The following ESR2 variants were observed in gnomAD, a reference collection of about 807,000 sequenced individuals.
The protein encoded by ESR2 is estrogen receptor 2.
A neutral mutation model predicts 49.6 loss-of-function variants in ESR2; 36 were observed. The observed-to-expected ratio is 0.73, with a 90% CI of 0.56 to 0.96. ESR2 has a LOEUF of 0.96. Ranked by LOEUF, ESR2 falls within the 40% of genes least tolerant of loss-of-function variation. The probability of loss-of-function intolerance (pLI) is 0.00; values close to 1 mark genes in which losing one functional copy is unlikely to be tolerated. For missense variants in ESR2, 714 were observed against 693.0 expected, an observed-to-expected ratio of 1.03 and a Z score of -0.34; for synonymous variants, 320 against 266.1, an observed-to-expected ratio of 1.20 and a Z score of -1.97.
At chr14:64,267,185 A>G (rs999596308) in intron 4 of ESR2, among the ~76,000 whole-genome samples, 22 of 152,290 alleles carry the variant, frequency 1.4e-4, no homozygotes, top group African/African-American at 5.3e-4. Context: ...GGCCTTAACT[A>G]AACTTTCACA....
intron 8 of ESR2, chr14:64,233,542 C>T (rs2098729376): frequency 9.2e-6 from 5 of 544,216 alleles, no homozygotes; most frequent in Non-Finnish European, 1.6e-5. Context: ...CCACCACACA[C>T]CTACAATGGC....
intron 2 of ESR2, among the ~76,000 whole-genome samples, chr14:64,281,418 C>T (rs2076664595): frequency 6.6e-6 from 1 of 150,616 alleles, no homozygotes; most frequent in South Asian, 2.1e-4. Flanking sequence ...TGCTCAGAAA[C>T]AAAATATGTC....
At chr14:64,242,773 T>C (rs2075763817) in intron 7 of ESR2, among the ~76,000 whole-genome samples, 1 of 152,146 alleles carries the variant, frequency 6.6e-6, no homozygotes, top group Non-Finnish European at 1.5e-5. Flanking sequence ...TCTGTAAGAG[T>C]ATGTGTAAAC....
chr14:64,250,472 C>A (rs1048965620), intron 6 of ESR2, among the ~76,000 whole-genome samples: 1 of 152,192 alleles, frequency 6.6e-6, no homozygotes, highest in African/African-American at 2.4e-5. Flanking sequence ...AGCTTCTATT[C>A]ACTCCAGCCA....
intron 7 of ESR2, among the ~76,000 whole-genome samples, chr14:64,237,653 G>A (rs1345363632): frequency 2.6e-5 from 4 of 152,198 alleles, no homozygotes; most frequent in Admixed American, 6.5e-5. Context: ...ACTAACTGAC[G>A]AATGGCTCAA....
intron 1 of ESR2, among the ~76,000 whole-genome samples, chr14:64,319,176 T>C (rs972968698): frequency 6.6e-6 from 1 of 152,194 alleles, no homozygotes; most frequent in African/African-American, 2.4e-5. Context: ...GGATAGTCTT[T>C]TCAACACATG....
downstream of ESR2, chr14:64,228,099 GTTC>G: frequency 1.7e-5 from 22 of 1,323,736 alleles, no homozygotes; most frequent in Non-Finnish European, 2.1e-5. Context: ...AGATGAAATT[GTTC>G]TTTTTAAGAA....
upstream of ESR2, among the ~76,000 whole-genome samples, chr14:64,295,992 C>G (rs2076952223): frequency 7.4e-6 from 1 of 134,554 alleles, no homozygotes; most frequent in African/African-American, 2.9e-5. Flanking sequence ...TGCAGTGAGC[C>G]AAGATCGCGC....
chr14:64,268,995 T>C (rs181969259), intron 3 of ESR2, 84 bp from the exon 4 acceptor site: 21 of 813,544 alleles, frequency 2.6e-5, no homozygotes, highest in Admixed American at 1.4e-4. Flanking sequence ...CTGATAACAC[T>C]TTCCAGCTGA....
intron 7 of ESR2, among the ~76,000 whole-genome samples, chr14:64,246,578 T>C (rs892726915): frequency 1.3e-5 from 2 of 151,558 alleles, no homozygotes; most frequent in Non-Finnish European, 2.9e-5. Context: ...AATACAAAAA[T>C]TAGCCAGGCA....
chr14:64,310,034 C>G (rs1167046709), intron 1 of ESR2, among the ~76,000 whole-genome samples: 1 of 151,872 alleles, frequency 6.6e-6, no homozygotes, highest in East Asian at 1.9e-4. Flanking sequence ...TGCAGTGAGC[C>G]GAGATCACGC....
intron 4 of ESR2, 84 bp from the exon 5 acceptor site, chr14:64,260,832 C>T (rs1486033064): frequency 5.5e-6 from 7 of 1,266,496 alleles, no homozygotes; most frequent in Non-Finnish European, 7.3e-6. Flanking sequence ...TTTCTGGAGC[C>T]TGTGGGGCAC....
chr14:64,279,735 C>A (rs753006215), intron 3 of ESR2, among the ~76,000 whole-genome samples: 22 of 152,330 alleles, frequency 1.4e-4, no homozygotes, highest in African/African-American at 5.1e-4. Context: ...ATCCAACACC[C>A]ATGTGGGTGA....
chr14:64,276,692 T>G (rs1337184747), intron 3 of ESR2, among the ~76,000 whole-genome samples: 1 of 152,138 alleles, frequency 6.6e-6, no homozygotes, highest in Non-Finnish European at 1.5e-5. Flanking sequence ...TGAAAATAAT[T>G]GATAGGGCCT....
intron 1 of ESR2, among the ~76,000 whole-genome samples, chr14:64,323,218 TG>T (rs1235201136): frequency 6.6e-6 from 1 of 152,188 alleles, no homozygotes; most frequent in Admixed American, 6.5e-5. Context: ...GTTTTTTGTT[TG>T]TTTTTTGAGA....
At chr14:64,328,425 A>G (rs2077415631) in intron 1 of ESR2, among the ~76,000 whole-genome samples, 1 of 152,182 alleles carries the variant, frequency 6.6e-6, no homozygotes, top group African/African-American at 2.4e-5. Context: ...TCTCAAAAAA[A>G]AAAAAAGATT....
At chr14:64,264,879 A>C (rs1456827386) in intron 4 of ESR2, among the ~76,000 whole-genome samples, 9 of 150,374 alleles carry the variant, frequency 6.0e-5, no homozygotes, top group African/African-American at 2.2e-4. Flanking sequence ...CCTGTCTCAA[A>C]AAAAAAAAAA....
At chr14:64,286,229 T>C (rs1411594663) in intron 1 of ESR2, among the ~76,000 whole-genome samples, 1 of 152,156 alleles carries the variant, frequency 6.6e-6, no homozygotes, top group Admixed American at 6.5e-5. Context: ...GAGAAGGATA[T>C]AGGATCAAGG....
At chr14:64,313,740 G>A (rs528909997) in intron 1 of ESR2, among the ~76,000 whole-genome samples, 10 of 151,500 alleles carry the variant, frequency 6.6e-5, no homozygotes, top group African/African-American at 1.9e-4. Flanking sequence ...TTAGCCAGGC[G>A]TGGTGGCGGG....
Sources: gnomAD v4.1 joint callset for allele counts (sites outside exome capture counted in the v4.1 genomes callset) on GRCh38, gnomAD v4.1.1 for gene constraint, MANE v1.5 for transcripts, NCBI Gene and HGNC (gene_info 2026-07-23, HGNC 2026-07-21) for gene names.